The following UBE3A variants were observed in gnomAD, a reference collection of about 807,000 sequenced individuals.
UBE3A encodes the protein ubiquitin protein ligase E3A, also known as ubiquitin-protein ligase E3A.
In UBE3A, 6 loss-of-function variants were observed where a neutral mutation model predicts 83.4. The ratio of observed to expected loss-of-function variants is 0.07; its 90% CI spans 0.04 to 0.14. The LOEUF (loss-of-function observed/expected upper bound fraction) is 0.14. Among genes scored for constraint, UBE3A ranks in the 10% least tolerant of loss-of-function variants. The pLI is 1.00. For synonymous variants in UBE3A, 337 were observed against 355.4 expected (o/e 0.95, Z 0.58); for missense variants, 456 against 1,036.1 (o/e 0.44, Z 7.69).
At chr15:25,373,257 A>C (rs1245499164) in intron 5 of UBE3A, among the ~76,000 whole-genome samples, 1 of 152,232 alleles carries the variant, frequency 6.6e-6, no homozygotes, top group Non-Finnish European at 1.5e-5. Context: ...ATAACAGAAA[A>C]TACTACTATC....
chr15:25,397,873 T>C (rs1352401912), intron 4 of UBE3A, among the ~76,000 whole-genome samples: 2 of 152,044 alleles, frequency 1.3e-5, no homozygotes, highest in East Asian at 3.9e-4. Flanking sequence ...CCCAAAATAT[T>C]TGCCTTTCTA....
At chr15:25,345,336 G>A (rs532344658) in intron 11 of UBE3A, among the ~76,000 whole-genome samples, 1 of 152,040 alleles carries the variant, frequency 6.6e-6, no homozygotes, top group Non-Finnish European at 1.5e-5. Context: ...ACCTTGTACC[G>A]AGGAAAAACT....
At chr15:25,361,314 T>C (rs2152736568) in intron 6 of UBE3A, among the ~76,000 whole-genome samples, 1 of 152,100 alleles carries the variant, frequency 6.6e-6, no homozygotes, top group African/African-American at 2.4e-5. Flanking sequence ...TTAGTAGAGA[T>C]GGGGTTTCAC....
chr15:25,377,240 T>C (rs571085444), intron 4 of UBE3A, among the ~76,000 whole-genome samples: 1 of 152,248 alleles, frequency 6.6e-6, no homozygotes, highest in East Asian at 1.9e-4. Flanking sequence ...ACAGAAGAAC[T>C]TTCACTCTCT....
chr15:25,428,874 T>C (rs1892190329), intron 1 of UBE3A, among the ~76,000 whole-genome samples: 1 of 152,064 alleles, frequency 6.6e-6, no homozygotes, highest in East Asian at 1.9e-4. Context: ...ACTTCTACGG[T>C]TTTTCCCAAA....
At chr15:25,364,693 G>A (rs2078774246) in intron 6 of UBE3A, among the ~76,000 whole-genome samples, 1 of 149,264 alleles carries the variant, frequency 6.7e-6, no homozygotes, top group South Asian at 2.1e-4. Flanking sequence ...GCCCAGGCTG[G>A]AGTGCAGTGG....
intron 11 of UBE3A, among the ~76,000 whole-genome samples, chr15:25,342,703 T>C (rs959099336): frequency 2.0e-5 from 3 of 151,802 alleles, no homozygotes; most frequent in African/African-American, 7.3e-5. Flanking sequence ...AAACTCCAAA[T>C]ACCAAAGAAG....
chr15:25,372,013 A>G (rs1189572313), intron 5 of UBE3A, among the ~76,000 whole-genome samples: 1 of 152,180 alleles, frequency 6.6e-6, no homozygotes, highest in African/African-American at 2.4e-5. Flanking sequence ...CTACCTACCT[A>G]TACCAATGAC....
intron 3 of UBE3A, chr15:25,407,351 A>C: frequency 1.2e-6 from 1 of 851,508 alleles, no homozygotes; most frequent in Non-Finnish European, 1.5e-6. Context: ...GAGGGAAAAA[A>C]TGAGGACATG....
chr15:25,386,761 T>C (rs925536200), intron 4 of UBE3A, among the ~76,000 whole-genome samples: 6 of 151,850 alleles, frequency 4.0e-5, no homozygotes, highest in African/African-American at 7.2e-5. Context: ...AAAATACATG[T>C]GACTTCCAAC....
At chr15:25,407,242 C>A (rs2088833840) in intron 3 of UBE3A, 3 of 1,148,358 alleles carry the variant, frequency 2.6e-6, no homozygotes, top group Admixed American at 3.6e-5. Flanking sequence ...GCTTGCAAAA[C>A]AAAAAATAAA....
At chr15:25,422,079 GTA>G (rs1889981986) in intron 1 of UBE3A, 1 of 152,122 alleles carries the variant, frequency 6.6e-6, no homozygotes. Context: ...ATGAACTGTG[GTA>G]TAGTCATATT....
At chr15:25,436,512 C>G (rs1328698157) in intron 1 of UBE3A, among the ~76,000 whole-genome samples, 1 of 152,080 alleles carries the variant, frequency 6.6e-6, no homozygotes, top group Non-Finnish European at 1.5e-5. Flanking sequence ...CTGAGAGAAA[C>G]AGTGTATTAT....
Position 25,435,876 on chromosome 15 carries a change from G to C in UBE3A, c.-165+2613C>G, listed in dbSNP as rs78424642. On this transcript the variant is annotated intron_variant, in intron 1 of 12. Coordinates refer to ENST00000648336, the MANE Select transcript of UBE3A (RefSeq NM_130839.5). ...ACAACATAAAGGATAACATGCTGTAGTCCACTACATACAAGGTGCTTCCAG... is the reference window on the plus strand; with the variant it reads ...ACAACATAAAGGATAACATGCTGTACTCCACTACATACAAGGTGCTTCCAG... Among the ~76,000 whole-genome samples, 969 of 152,274 alleles carry C rather than the reference G, an allele frequency of 6.4e-3. 5 individuals carry two copies. The highest frequency in any genetic ancestry group is 7.5e-3 in the Admixed American group (115 of 15,304).
chr15:25,431,796 A>G (rs1333546446), intron 1 of UBE3A, among the ~76,000 whole-genome samples: 3 of 152,326 alleles, frequency 2.0e-5, no homozygotes, highest in South Asian at 2.1e-4. Flanking sequence ...GATTTTTTCA[A>G]TTCCCAAAAC....
chr15:25,384,540 T>C (rs748539773), intron 4 of UBE3A, among the ~76,000 whole-genome samples: 2 of 150,772 alleles, frequency 1.3e-5, no homozygotes, highest in African/African-American at 2.4e-5. Context: ...TGGAAAGACA[T>C]CCAAGTTTAT....
At chr15:25,350,631 C>T (rs2152631520) in intron 11 of UBE3A, among the ~76,000 whole-genome samples, 1 of 152,068 alleles carries the variant, frequency 6.6e-6, no homozygotes, top group East Asian at 1.9e-4. Context: ...AAAACATTTC[C>T]ACAATAAGAC....
chr15:25,384,285 C>T (rs965609811), intron 4 of UBE3A, among the ~76,000 whole-genome samples: 22 of 151,850 alleles, frequency 1.4e-4, no homozygotes, highest in African/African-American at 4.8e-4. Flanking sequence ...TGGTGAAACC[C>T]TGTCTCTACT....
chr15:25,337,314 T>A lies in UBE3A; in HGVS notation c.*1823A>T, dbSNP rs903264257. On this transcript the variant is annotated 3_prime_UTR_variant, in exon 13 of 13. Coordinates refer to ENST00000648336, the MANE Select transcript of UBE3A (RefSeq NM_130839.5). Reference sequence around the variant, plus strand: ...AATTTCTCCTCACTTTAATTACACATTAAGAAGCACAGTGGATGAGAAGCC... The same window carrying A: ...AATTTCTCCTCACTTTAATTACACAATAAGAAGCACAGTGGATGAGAAGCC... The A allele has an allele frequency of 2.0e-5, 3 of 152,134 alleles. No individual in the cohort carries two copies. The highest frequency in any genetic ancestry group is 2.9e-5 in the Non-Finnish European group (2 of 68,002). The allele number at this position is 152,134 out of a possible 1,614,324, so 9.4% of individuals were successfully genotyped here.
Sources: allele counts gnomAD v4.1 joint callset (sites outside exome capture counted in the v4.1 genomes callset), GRCh38; gene constraint gnomAD v4.1.1; transcripts MANE v1.5; gene names NCBI Gene and HGNC (gene_info 2026-07-23, HGNC 2026-07-21).